The following SLC4A4 variants were observed in gnomAD, a reference collection of about 807,000 sequenced individuals.
SLC4A4 encodes the protein solute carrier family 4 member 4.
A neutral mutation model predicts 111.5 loss-of-function variants in SLC4A4; 27 were observed. That is an observed-to-expected ratio of 0.24 (90% CI 0.18 to 0.33). SLC4A4 has a LOEUF of 0.33. Among genes scored for constraint, SLC4A4 ranks in the 10% least tolerant of loss-of-function variants. The pLI is 1.00. For missense variants in SLC4A4, 909 were observed against 1,315.5 expected, an observed-to-expected ratio of 0.69 and a Z score of 4.78; for synonymous variants, 443 against 463.4, an observed-to-expected ratio of 0.96 and a Z score of 0.57.
At chr4:71,270,246 C>T (rs1722607386) in intron 3 of SLC4A4, among the ~76,000 whole-genome samples, 1 of 152,124 alleles carries the variant, frequency 6.6e-6, no homozygotes, top group Non-Finnish European at 1.5e-5. Context: ...TGCCACCATG[C>T]CTGGCTAATT....
chr4:71,141,035 G>A (rs957117107), intron 2 of SLC4A4, among the ~76,000 whole-genome samples: 2 of 152,048 alleles, frequency 1.3e-5, no homozygotes, highest in East Asian at 1.9e-4. Flanking sequence ...TACTTCCTTA[G>A]CAATTGTGAA....
chr4:71,070,931 A>G lies in SLC4A4; in HGVS notation c.-65+8143A>G, dbSNP rs560589601. Reference sequence around the variant, plus strand: ...CAGCATTCTGTTGCATCCATTTCTCAGTAAGTTTCAGAAATTCAAGAGCTG... The same window carrying G: ...CAGCATTCTGTTGCATCCATTTCTCGGTAAGTTTCAGAAATTCAAGAGCTG... On this transcript the variant is annotated intron_variant, in intron 1 of 26. Transcript: ENST00000649996. Among the ~76,000 whole-genome samples the G allele has an allele frequency of 2.0e-4, 30 of 152,100 alleles. No individual in the cohort carries two copies. In the East Asian group the frequency reaches 5.6e-3, roughly 28 times the overall value.
At chr4:71,187,139 CGCGGGTGACT>C (rs1745491448), upstream of SLC4A4, 1 of 152,016 alleles carries the variant, frequency 6.6e-6, no homozygotes, top group Non-Finnish European at 1.5e-5. Context: ...ACTACTTGGG[CGCGGGTGACT>C]GGCGCCCCGC....
chr4:71,136,445 A>G lies in SLC4A4; in HGVS notation c.-2+43653A>G, dbSNP rs116320438. On this transcript the variant is annotated intron_variant, in intron 2 of 26. Transcript: ENST00000649996. ...ATTTTTGCCCTTTAGTGACCACTGA[A>G]GAGTCAGTGTTAGTGCGGGGTTGCC... Among the ~76,000 whole-genome samples, 322 of 152,310 alleles carry G rather than the reference A, an allele frequency of 2.1e-3. 1 individual carries two copies. Among genetic ancestry groups the G allele is most frequent in the African/African-American group, 7.3e-3 (302 of 41,560 alleles).
chr4:71,221,307 C>T (rs1005401195), intron 1 of SLC4A4, among the ~76,000 whole-genome samples: 4 of 152,180 alleles, frequency 2.6e-5, no homozygotes, highest in Non-Finnish European at 4.4e-5. Flanking sequence ...CTGCTTTCCA[C>T]TGTGAAGGAC....
chr4:71,493,503 A>G (rs1175325242), intron 15 of SLC4A4, among the ~76,000 whole-genome samples: 1 of 151,946 alleles, frequency 6.6e-6, no homozygotes, highest in African/African-American at 2.4e-5. Flanking sequence ...GAATTCTGCT[A>G]CTGTCTTGCT....
chr4:71,447,868 G>A, intron 9 of SLC4A4, 135 bp downstream of exon 9: 1 of 725,162 alleles, frequency 1.4e-6, no homozygotes, highest in South Asian at 1.5e-5. Flanking sequence ...ACGGTCATTT[G>A]AGACAAATGA....
intron 16 of SLC4A4, among the ~76,000 whole-genome samples, chr4:71,521,559 G>A (rs1056904383): frequency 1.3e-5 from 2 of 152,112 alleles, no homozygotes; most frequent in Non-Finnish European, 2.9e-5. Flanking sequence ...GTCATATTTG[G>A]TGTATGAGTC....
rs1229284756 is a variant in SLC4A4, at chr4:71,437,532, G to T, written c.808-3084G>T. Reference sequence around the variant, plus strand: ...AGTTGGACTTTGCAGTGACACTGTAGTCTTTGCTGAAAACAATGCTTGGCA... The same window carrying T: ...AGTTGGACTTTGCAGTGACACTGTATTCTTTGCTGAAAACAATGCTTGGCA... On this transcript the variant is annotated intron_variant, in intron 7 of 25. Coordinates refer to ENST00000264485, the MANE Select transcript of SLC4A4 (RefSeq NM_001098484.3). 32 of 471,760 alleles carry T rather than the reference G, an allele frequency of 6.8e-5. No individual in the cohort carries two copies. The Admixed American group carries it at 6.8e-4, about 10-fold the overall frequency. The allele number at this position is 471,760 out of a possible 1,614,324, so 29.2% of individuals were successfully genotyped here. A position where few individuals can be genotyped will look rare whatever the true frequency, so the allele number is the denominator to read the frequency against.
intron 16 of SLC4A4, among the ~76,000 whole-genome samples, chr4:71,499,195 A>G (rs1353186707): frequency 1.3e-5 from 2 of 152,098 alleles, no homozygotes; most frequent in African/African-American, 4.8e-5. Context: ...AAAGTCTGAT[A>G]TAATTTAAGT....
In SLC4A4 at chr4:71,571,848, A is replaced by G. The variant is rs193033196; in HGVS notation, c.*4097A>G. On this transcript the variant is annotated 3_prime_UTR_variant, in exon 26 of 26. Coordinates refer to ENST00000264485, the MANE Select transcript of SLC4A4 (RefSeq NM_001098484.3). ...GAGAAATGATGCATCTTTTTATTTT[A>G]AATGAAGTAGATCAACATGGTGGAA... 3.9e-5 allele frequency: 6 copies of G among 152,358 alleles called. No individual in the cohort carries two copies. In the East Asian group the frequency reaches 1.2e-3, roughly 30 times the overall value. The allele number at this position is 152,358 out of a possible 1,614,324, so 9.4% of individuals were successfully genotyped here.
intron 2 of SLC4A4, among the ~76,000 whole-genome samples, chr4:71,241,611 T>G (rs934675739): frequency 6.6e-6 from 1 of 152,078 alleles, no homozygotes; most frequent in African/African-American, 2.4e-5. Context: ...AGGGGCCAAG[T>G]TGGGACTGGG....
chr4:71,395,300 G>C (rs904101081), intron 6 of SLC4A4, among the ~76,000 whole-genome samples: 1 of 152,168 alleles, frequency 6.6e-6, no homozygotes, highest in Admixed American at 6.6e-5. Context: ...ATCTTGCTTA[G>C]TTACTAGAAG....
At chr4:71,283,257 T>C (rs1338570454) in intron 3 of SLC4A4, among the ~76,000 whole-genome samples, 1 of 152,206 alleles carries the variant, frequency 6.6e-6, no homozygotes, top group African/African-American at 2.4e-5. Flanking sequence ...TTGAAGCATT[T>C]GAATGAAAAG....
chr4:71,293,728 T>C (rs944713931), intron 3 of SLC4A4, among the ~76,000 whole-genome samples: 2 of 152,160 alleles, frequency 1.3e-5, no homozygotes, highest in Non-Finnish European at 2.9e-5. Flanking sequence ...AATTCAGTAG[T>C]GGGGCTTCAG....
chr4:71,179,588 A>G (rs926113781), intron 2 of SLC4A4, among the ~76,000 whole-genome samples: 27 of 152,044 alleles, frequency 1.8e-4, no homozygotes, highest in Admixed American at 5.9e-4. Context: ...TCATGAGTGA[A>G]CTCCCATTCA....
At chr4:71,180,554 C>G (rs1052070645) in intron 2 of SLC4A4, among the ~76,000 whole-genome samples, 2 of 152,174 alleles carry the variant, frequency 1.3e-5, no homozygotes, top group African/African-American at 4.8e-5. Context: ...TATGAACAGA[C>G]ATTTCTCAAA....
intron 1 of SLC4A4, among the ~76,000 whole-genome samples, chr4:71,085,879 C>A (rs1455531042): frequency 2.0e-5 from 3 of 151,974 alleles, no homozygotes; most frequent in Admixed American, 6.6e-5. Context: ...ATTGACTTGG[C>A]AATGTGGGCT....
At chr4:71,499,496 T>G (rs1273149054) in intron 16 of SLC4A4, among the ~76,000 whole-genome samples, 1 of 152,120 alleles carries the variant, frequency 6.6e-6, no homozygotes, top group Non-Finnish European at 1.5e-5. Flanking sequence ...CAACACATTA[T>G]TATTAGCTAT....
Sources: gnomAD v4.1 joint callset for allele counts (sites outside exome capture counted in the v4.1 genomes callset) on GRCh38, gnomAD v4.1.1 for gene constraint, MANE v1.5 for transcripts, NCBI Gene and HGNC (gene_info 2026-07-23, HGNC 2026-07-21) for gene names.